NELL1: variants seen among roughly 807,000 people sequenced by gnomAD.
NELL1 encodes the protein neural EGFL like 1.
Under a neutral mutation model 107.4 loss-of-function variants are expected in NELL1, and 76 were observed. That is an observed-to-expected ratio of 0.71 (90% CI 0.59 to 0.86). The LOEUF is 0.86. NELL1 is among the 40% of genes least tolerant of loss of function. The pLI is 0.00. For synonymous variants in NELL1, 353 were observed against 341.2 expected (o/e 1.03, Z -0.38); for missense variants, 1,024 against 1,005.5 (o/e 1.02, Z -0.25).
At chr11:21,294,170 T>C (rs1270422215) in intron 14 of NELL1, among the ~76,000 whole-genome samples, 1 of 152,136 alleles carries the variant, frequency 6.6e-6, no homozygotes, top group Non-Finnish European at 1.5e-5. Context: ...AGGCAACTGT[T>C]ATCAGCCTTG....
At chr11:20,866,180 A>G (rs1191743544) in intron 4 of NELL1, among the ~76,000 whole-genome samples, 2 of 152,214 alleles carry the variant, frequency 1.3e-5, no homozygotes, top group Non-Finnish European at 2.9e-5. Flanking sequence ...AATTGGGGAA[A>G]GCAGAAGGCT....
rs1852503017 is a variant in NELL1, at chr11:21,013,740, T to C, written c.1300+53180T>C. On this transcript the variant is annotated intron_variant, in intron 12 of 19. Coordinates refer to ENST00000357134, the MANE Select transcript of NELL1 (RefSeq NM_006157.5). Reference sequence around the variant, plus strand: ...TTAATGAACCAATGTTAATACACTGTGTTTAACTAAAGTCTATACCTTTAT... The same window carrying C: ...TTAATGAACCAATGTTAATACACTGCGTTTAACTAAAGTCTATACCTTTAT... 3.3e-5 allele frequency among the ~76,000 whole-genome samples: 5 copies of C among 152,162 alleles called. No homozygotes were observed. The South Asian group carries it at 1.0e-3, about 31-fold the overall frequency.
At chr11:21,539,220 G>A (rs1183237060) in intron 16 of NELL1, among the ~76,000 whole-genome samples, 1 of 152,096 alleles carries the variant, frequency 6.6e-6, no homozygotes, top group African/African-American at 2.4e-5. Flanking sequence ...CAGATGTGCA[G>A]GAGCTGGGGC....
intron 5 of NELL1, among the ~76,000 whole-genome samples, chr11:20,901,892 T>C (rs188182443): frequency 1.3e-5 from 2 of 152,198 alleles, no homozygotes; most frequent in East Asian, 1.9e-4. Flanking sequence ...GAAAATCAGT[T>C]ATTTAAAAAC....
At chr11:20,975,631 A>G (rs576224735) in intron 12 of NELL1, among the ~76,000 whole-genome samples, 10 of 140,314 alleles carry the variant, frequency 7.1e-5, no homozygotes, top group African/African-American at 2.7e-4. Context: ...GATATAATAC[A>G]TATATGTATT....
At chr11:20,978,457 A>G (rs1851685138) in intron 12 of NELL1, among the ~76,000 whole-genome samples, 1 of 152,142 alleles carries the variant, frequency 6.6e-6, no homozygotes, top group South Asian at 2.1e-4. Context: ...CACACACACA[A>G]CAAAGACCAA....
chr11:21,130,207 G>A (rs1855583631), intron 13 of NELL1, among the ~76,000 whole-genome samples: 1 of 152,072 alleles, frequency 6.6e-6, no homozygotes, highest in South Asian at 2.1e-4. Flanking sequence ...ACTCCAATCA[G>A]CCCTTCTCTA....
chr11:21,191,291 C>T (rs1393126516), intron 13 of NELL1, among the ~76,000 whole-genome samples: 1 of 151,674 alleles, frequency 6.6e-6, no homozygotes, highest in Non-Finnish European at 1.5e-5. Flanking sequence ...AAGAGAGAAC[C>T]ACGCATATAG....
At chr11:21,515,199 T>A (rs1855527071) in intron 15 of NELL1, among the ~76,000 whole-genome samples, 1 of 152,190 alleles carries the variant, frequency 6.6e-6, no homozygotes, top group African/African-American at 2.4e-5. Context: ...ATAGAAACAA[T>A]CTGTAGACTT....
chr11:21,204,867 C>G (rs1857354288), intron 13 of NELL1, among the ~76,000 whole-genome samples: 1 of 152,132 alleles, frequency 6.6e-6, no homozygotes, highest in Admixed American at 6.5e-5. Flanking sequence ...TAACAGGCCC[C>G]TCTGCTGCAG....
chr11:21,341,925 G>A (rs1850577264), intron 14 of NELL1, among the ~76,000 whole-genome samples: 1 of 152,100 alleles, frequency 6.6e-6, no homozygotes, highest in Non-Finnish European at 1.5e-5. Flanking sequence ...TCCACTGTTA[G>A]TGGTTCACAT....
chr11:21,406,188 A>G (rs1336570430), intron 15 of NELL1, among the ~76,000 whole-genome samples: 1 of 152,042 alleles, frequency 6.6e-6, no homozygotes, highest in Non-Finnish European at 1.5e-5. Flanking sequence ...TTTAGTTCCT[A>G]GGCAGATTAG....
intron 12 of NELL1, among the ~76,000 whole-genome samples, chr11:21,031,556 A>G (rs925635211): frequency 2.0e-5 from 3 of 152,188 alleles, no homozygotes; most frequent in Non-Finnish European, 4.4e-5. Context: ...TTGCAAAAGG[A>G]AGAATATGGA....
chr11:20,677,654 C>T (rs1481101009), intron 1 of NELL1, among the ~76,000 whole-genome samples: 1 of 152,048 alleles, frequency 6.6e-6, no homozygotes, highest in East Asian at 1.9e-4. Flanking sequence ...TAACACATGG[C>T]ACCTTCTGAA....
intron 2 of NELL1, among the ~76,000 whole-genome samples, chr11:20,772,613 T>TTTCATTCA (rs3045564): frequency 0.73 from 109,840 of 150,796 alleles, 42,227 homozygotes; most frequent in South Asian, 0.85. Flanking sequence ...ATTAGGCACT[T>TTTCATTCA]TTCATTCATT....
intron 3 of NELL1, among the ~76,000 whole-genome samples, chr11:20,792,201 T>G (rs1857089033): frequency 6.6e-6 from 1 of 151,994 alleles, no homozygotes; most frequent in African/African-American, 2.4e-5. Flanking sequence ...AAACATTAAT[T>G]TTTTTTAGAT....
At chr11:21,501,472 T>A (rs77264756) in intron 15 of NELL1, among the ~76,000 whole-genome samples, 18 of 152,212 alleles carry the variant, frequency 1.2e-4, no homozygotes, top group African/African-American at 4.3e-4. Context: ...GGGAGAACAT[T>A]GTGACAACTG....
intron 12 of NELL1, among the ~76,000 whole-genome samples, chr11:21,036,542 T>C (rs1853097168): frequency 6.6e-6 from 1 of 152,098 alleles, no homozygotes; most frequent in South Asian, 2.1e-4. Context: ...TTTCCCATAT[T>C]CTCTATTTTC....
intron 16 of NELL1, among the ~76,000 whole-genome samples, chr11:21,558,768 A>G (rs903779603): frequency 2.6e-5 from 4 of 152,108 alleles, no homozygotes; most frequent in Non-Finnish European, 5.9e-5. Context: ...GCACTCAACT[A>G]AAAAGTAAGA....
Sources: gnomAD v4.1 joint callset for allele counts (sites outside exome capture counted in the v4.1 genomes callset) on GRCh38, gnomAD v4.1.1 for gene constraint, MANE v1.5 for transcripts, NCBI Gene and HGNC (gene_info 2026-07-23, HGNC 2026-07-21) for gene names.